The following VWC2L variants were observed in gnomAD, a reference collection of about 807,000 sequenced individuals.
The protein encoded by VWC2L is von Willebrand factor C domain-containing protein 2-like.
A neutral mutation model predicts 21.6 loss-of-function variants in VWC2L; 10 were observed. That is an observed-to-expected ratio of 0.46 (90% CI 0.29 to 0.78). The LOEUF is 0.78. Among genes scored for constraint, VWC2L ranks in the 30% least tolerant of loss-of-function variants. The probability of loss-of-function intolerance (pLI) is 0.10; values close to 1 mark genes in which losing one functional copy is unlikely to be tolerated. For synonymous variants in VWC2L, 96 were observed against 94.3 expected (o/e 1.02, Z -0.10); for missense variants, 209 against 277.1 (o/e 0.75, Z 1.74).
intron 3 of VWC2L, among the ~76,000 whole-genome samples, chr2:214,507,670 T>C (rs904992454): frequency 1.7e-4 from 26 of 152,222 alleles, no homozygotes; most frequent in Admixed American, 1.0e-3. Flanking sequence ...TAATTAGTCA[T>C]GTGATGTTAT....
intron 3 of VWC2L, among the ~76,000 whole-genome samples, chr2:214,574,948 G>T (rs1690205313): frequency 6.7e-6 from 1 of 150,104 alleles, no homozygotes; most frequent in Non-Finnish European, 1.5e-5. Context: ...ATGAGCAGGG[G>T]ACATTTTCAA....
At chr2:214,461,865 C>T (rs896003539) in intron 3 of VWC2L, among the ~76,000 whole-genome samples, 4 of 152,168 alleles carry the variant, frequency 2.6e-5, no homozygotes, top group Non-Finnish European at 4.4e-5. Context: ...TTCTGGTGTG[C>T]GTGTGGTTGC....
chr2:214,463,526 CTACTT>C (rs1272187619), intron 3 of VWC2L, among the ~76,000 whole-genome samples: 3 of 152,074 alleles, frequency 2.0e-5, no homozygotes, highest in Non-Finnish European at 2.9e-5. Flanking sequence ...CTAATAATCT[CTACTT>C]TATAACTGAG....
intron 2 of VWC2L, among the ~76,000 whole-genome samples, chr2:214,428,561 C>T (rs1702557724): frequency 6.6e-6 from 1 of 151,988 alleles, no homozygotes. Flanking sequence ...TGTTACTGCC[C>T]ATAAGCCATC....
chr2:214,452,579 G>A (rs551702569), intron 3 of VWC2L, among the ~76,000 whole-genome samples: 25 of 152,064 alleles, frequency 1.6e-4, no homozygotes, highest in Admixed American at 1.2e-3. Context: ...AGAAGCCTTC[G>A]TATGGATACT....
intron 3 of VWC2L, among the ~76,000 whole-genome samples, chr2:214,545,853 G>A (rs1689697842): frequency 2.0e-5 from 3 of 152,102 alleles, no homozygotes; most frequent in South Asian, 2.1e-4. Context: ...AGAACGTGAC[G>A]GATCTTTCTC....
chr2:214,454,666 C>A (rs1449238321), intron 3 of VWC2L, among the ~76,000 whole-genome samples: 1 of 123,652 alleles, frequency 8.1e-6, no homozygotes, highest in South Asian at 2.6e-4. Flanking sequence ...TGCAGTAGTG[C>A]AATCTTGGCT....
intron 3 of VWC2L, among the ~76,000 whole-genome samples, chr2:214,514,944 C>A (rs1689116980): frequency 6.6e-6 from 1 of 152,150 alleles, no homozygotes; most frequent in Non-Finnish European, 1.5e-5. Flanking sequence ...TCATCTAGGG[C>A]TGCATTTAAA....
At position 214,483,064 on chromosome 2, in the gene VWC2L, T is replaced by C. The variant is rs535899400; in HGVS notation, c.520+46306T>C. On this transcript the variant is annotated intron_variant, in intron 3 of 3. Transcript: ENST00000312504. Reference sequence around the variant, plus strand: ...AATCAATATACTCTCCTTCTGCTAATATCCCTATCATATGAATGAGGAGGC... The same window carrying C: ...AATCAATATACTCTCCTTCTGCTAACATCCCTATCATATGAATGAGGAGGC... Among the ~76,000 whole-genome samples the C allele has an allele frequency of 2.6e-4, 39 of 152,280 alleles. 1 individual carries two copies. The South Asian group carries it at 7.5e-3, about 29-fold the overall frequency.
intron 3 of VWC2L, among the ~76,000 whole-genome samples, chr2:214,525,868 G>C (rs1237815188): frequency 6.6e-6 from 1 of 152,144 alleles, no homozygotes; most frequent in Non-Finnish European, 1.5e-5. Flanking sequence ...AAGTTTCTAA[G>C]ACTTTCTCAG....
rs1209259724 is a variant in VWC2L at position 214,578,534 on chromosome 2, G to A, written c.*2714G>A. 1 of 152,044 alleles carries A rather than the reference G, an allele frequency of 6.6e-6. No individual in the cohort carries two copies. Among genetic ancestry groups the A allele is most frequent in the Non-Finnish European group, 1.5e-5 (1 of 68,024 alleles). The allele number at this position is 152,044 out of a possible 1,614,324, so 9.4% of individuals were successfully genotyped here. On this transcript the variant is annotated 3_prime_UTR_variant, in exon 4 of 4. Coordinates refer to ENST00000312504, the MANE Select transcript of VWC2L (RefSeq NM_001080500.4). ...AGCACTGACATTTTTCCCCCTTTAG[G>A]GAGAGATGAACCTATACTGTGACAA...
At chr2:214,529,112 C>A (rs1444775435) in intron 3 of VWC2L, among the ~76,000 whole-genome samples, 1 of 152,128 alleles carries the variant, frequency 6.6e-6, no homozygotes, top group Non-Finnish European at 1.5e-5. Flanking sequence ...AATGACAAAA[C>A]CAGGATCTGA....
At chr2:214,569,457 G>C (rs1247347957) in intron 3 of VWC2L, among the ~76,000 whole-genome samples, 1 of 152,142 alleles carries the variant, frequency 6.6e-6, no homozygotes, top group Non-Finnish European at 1.5e-5. Flanking sequence ...GCTAGAGGAA[G>C]AAACCCTAAT....
intron 2 of VWC2L, chr2:214,436,399 A>G (rs899735153): frequency 5.1e-5 from 24 of 474,288 alleles, no homozygotes; most frequent in Non-Finnish European, 2.3e-5. Context: ...AGGAAAAGTC[A>G]TACACGGGTG....
chr2:214,526,334 C>T (rs1020270337), intron 3 of VWC2L, among the ~76,000 whole-genome samples: 2 of 152,066 alleles, frequency 1.3e-5, no homozygotes, highest in Admixed American at 1.3e-4. Flanking sequence ...AGCTACATCA[C>T]CATGTAGAAA....
At chr2:214,458,457 T>A (rs1703088824) in intron 3 of VWC2L, among the ~76,000 whole-genome samples, 1 of 152,128 alleles carries the variant, frequency 6.6e-6, no homozygotes, top group African/African-American at 2.4e-5. Context: ...TAATTCCTTC[T>A]TTCTTTATAC....
At chr2:214,552,594 T>A (rs1298031469) in intron 3 of VWC2L, among the ~76,000 whole-genome samples, 1 of 152,276 alleles carries the variant, frequency 6.6e-6, no homozygotes, top group South Asian at 2.1e-4. Flanking sequence ...TGTTATATCA[T>A]CCTACTCCTA....
chr2:214,509,164 C>T (rs536948368), intron 3 of VWC2L, among the ~76,000 whole-genome samples: 3 of 152,276 alleles, frequency 2.0e-5, no homozygotes, highest in African/African-American at 7.2e-5. Flanking sequence ...TTCACACTGG[C>T]ATTTCTAGAA....
chr2:214,441,345 A>C (rs574484688), intron 3 of VWC2L, among the ~76,000 whole-genome samples: 36 of 152,240 alleles, frequency 2.4e-4, no homozygotes, highest in African/African-American at 8.4e-4. Context: ...CAGGGAAGGA[A>C]ATGGGCAAAG....
Sources: allele counts gnomAD v4.1 joint callset (sites outside exome capture counted in the v4.1 genomes callset), GRCh38; gene constraint gnomAD v4.1.1; transcripts MANE v1.5; gene names NCBI Gene and HGNC (gene_info 2026-07-23, HGNC 2026-07-21).